Variants in PILRA observed in about 807,000 individuals in gnomAD.
PILRA encodes the protein paired immunoglobin like type 2 receptor alpha, also known as paired immunoglobulin-like type 2 receptor alpha.
PILRA carries 37 observed loss-of-function variants against 33.1 expected under a neutral mutation model. The ratio of observed to expected loss-of-function variants is 1.12; its 90% CI spans 0.86 to 1.47. The LOEUF is 1.47. Ranked by LOEUF, PILRA falls within the 40% of genes most tolerant of loss-of-function variation. The pLI, the probability that PILRA is intolerant of heterozygous loss-of-function variation, is 0.00. For missense variants in PILRA, 312 were observed against 376.2 expected (o/e 0.83, Z 1.41); for synonymous variants, 146 against 149.9 (o/e 0.97, Z 0.19).
intron 2 of PILRA, among the ~76,000 whole-genome samples, chr7:100,384,559 C>A (rs1056669077): frequency 6.6e-6 from 1 of 151,578 alleles, no homozygotes; most frequent in African/African-American, 2.4e-5. Context: ...CCACACCTGG[C>A]TAATTTTTTT....
intron 2 of PILRA, among the ~76,000 whole-genome samples, chr7:100,386,395 T>C (rs1791252313): frequency 6.6e-6 from 1 of 152,004 alleles, no homozygotes; most frequent in South Asian, 2.1e-4. Context: ...TCCCAACTAT[T>C]TGGGAGGCTG....
intron 2 of PILRA, among the ~76,000 whole-genome samples, chr7:100,376,759 GC>G (rs1358072834): frequency 8.7e-6 from 1 of 114,528 alleles, no homozygotes; most frequent in Non-Finnish European, 1.8e-5. Flanking sequence ...ACCTTGCTCT[GC>G]CTTTTTTTTT....
Position 100,399,769 on chromosome 7 carries a change from C to G in PILRA, c.790-16C>G. On this transcript the variant is annotated splice_polypyrimidine_tract_variant and intron_variant, in intron 6 of 6. Coordinates refer to ENST00000198536, the MANE Select transcript of PILRA (RefSeq NM_013439.3). Reference sequence around the variant, plus strand: ...GTCTCCACTGTCTAACCCTTTCTCTCTGGGTTCTCGCCCAGGATGACGGCA... The same window carrying G: ...GTCTCCACTGTCTAACCCTTTCTCTGTGGGTTCTCGCCCAGGATGACGGCA... 1 of 1,610,110 alleles carries G rather than the reference C, an allele frequency of 6.2e-7. No individual in the cohort carries two copies. Among genetic ancestry groups the G allele is most frequent in the East Asian group, 2.2e-5 (1 of 44,874 alleles).
chr7:100,382,563 A>AGCTCTCTGTAAAACAGACCAATCG (rs1293454326), intron 2 of PILRA, among the ~76,000 whole-genome samples: 3 of 151,848 alleles, frequency 2.0e-5, no homozygotes, highest in East Asian at 3.9e-4. Context: ...CGGACCAATC[A>AGCTCTCTGTAAAACAGACCAATCG]GCTCTCTGTA....
Position 100,399,233 on chromosome 7 carries a change from C to T in PILRA, c.708-58C>T, listed in dbSNP as rs1056868654. On this transcript the variant is annotated intron_variant, in intron 4 of 6. Coordinates refer to ENST00000198536, the MANE Select transcript of PILRA (RefSeq NM_013439.3). ...TGGGATTACAGGTGCCACCACCCAGCCCATGTCTTAAAATGCCCAACCTCT... is the reference window on the plus strand; with the variant it reads ...TGGGATTACAGGTGCCACCACCCAGTCCATGTCTTAAAATGCCCAACCTCT... 4.6e-6 allele frequency: 6 copies of T among 1,292,456 alleles called. No homozygotes were observed. The East Asian group carries it at 1.4e-4, about 30-fold the overall frequency. 80.1% of individuals were successfully genotyped at this position (1,292,456 alleles called of 1,614,324 possible).
intron 2 of PILRA, among the ~76,000 whole-genome samples, chr7:100,388,959 T>G (rs1227504668): frequency 1.3e-5 from 2 of 152,106 alleles, no homozygotes; most frequent in Non-Finnish European, 2.9e-5. Context: ...ACCACAGACT[T>G]ACTTTGATAG....
upstream of PILRA, among the ~76,000 whole-genome samples, chr7:100,372,443 T>C (rs1363147617): frequency 1.3e-5 from 2 of 152,088 alleles, no homozygotes; most frequent in African/African-American, 4.8e-5. Flanking sequence ...AAATCCTGTC[T>C]TCCCCCACGG....
chr7:100,396,329 T>C (rs189707291), intron 3 of PILRA, among the ~76,000 whole-genome samples: 1 of 152,288 alleles, frequency 6.6e-6, no homozygotes, highest in African/African-American at 2.4e-5. Context: ...ATGTGGTTTA[T>C]ACATATAATG....
intron 2 of PILRA, chr7:100,374,658 C>G: frequency 1.7e-6 from 1 of 598,486 alleles, no homozygotes; most frequent in Non-Finnish European, 3.0e-6. Context: ...ACTGTCCCCT[C>G]CAGATCCAGC....
At position 100,389,888 on chromosome 7, in the gene PILRA, C is replaced by T. The variant is rs1791345136; in HGVS notation, c.455C>T (p.Ala152Val). The change falls in exon 3 of 7, where the codon GCT becomes GTT. Residue 152 changes from alanine (A) to valine (V), a missense_variant and splice_region_variant. Ala to Val is a moderately conservative substitution (Grantham distance 64). Coordinates refer to ENST00000198536, the MANE Select transcript of PILRA (RefSeq NM_013439.3). ...CTGCTCATTCCTCATCTCTCCCCAGCTGTCACGACCACCACCCAGAGGCCC... is the reference window on the plus strand; with the variant it reads ...CTGCTCATTCCTCATCTCTCCCCAGTTGTCACGACCACCACCCAGAGGCCC... ...IEGTKLSITQ[A>V]VTTTTQRPSS... The T allele has an allele frequency of 6.2e-7, 1 of 1,613,514 alleles. No individual in the cohort carries two copies. The highest frequency in any genetic ancestry group is 2.2e-5 in the East Asian group (1 of 44,840).
intron 4 of PILRA, among the ~76,000 whole-genome samples, chr7:100,398,938 A>ATT (rs535251082): frequency 1.8e-4 from 26 of 145,730 alleles, no homozygotes; most frequent in African/African-American, 2.0e-4. Flanking sequence ...TCTTTCTTCA[A>ATT]TTTTTTTTTT....
At chr7:100,398,485 T>C (rs1003910895) in intron 4 of PILRA, among the ~76,000 whole-genome samples, 2 of 152,090 alleles carry the variant, frequency 1.3e-5, no homozygotes, top group Non-Finnish European at 2.9e-5. Context: ...TGGCCCCTCC[T>C]TTCCATAGCC....
chr7:100,398,953 A>G (rs1240742310), intron 4 of PILRA, among the ~76,000 whole-genome samples: 2 of 141,844 alleles, frequency 1.4e-5, no homozygotes, highest in African/African-American at 2.6e-5. Context: ...TTTTTTTTTT[A>G]ATTTTTGAGA....
intron 2 of PILRA, chr7:100,376,489 T>G (rs955866881): frequency 9.3e-5 from 14 of 150,810 alleles, no homozygotes; most frequent in Non-Finnish European, 1.9e-4. Context: ...AGTGTTTTTT[T>G]TTTTTTTTTT....
In PILRA at chr7:100,399,828, C is replaced by T. The variant is rs371417591; in HGVS notation, c.833C>T (p.Thr278Ile). ...VYASLALSSS[T>I]SPRAPPSHRP... Reference sequence around the variant, plus strand: ...GCTTCCCTTGCCCTCTCCAGCTCCACCTCACCCAGAGCACCTCCCAGCCAC... The same window carrying T: ...GCTTCCCTTGCCCTCTCCAGCTCCATCTCACCCAGAGCACCTCCCAGCCAC... Residue 278 changes from threonine (T) to isoleucine (I), a missense_variant, in exon 7 of 7, where the codon ACC becomes ATC. Thr to Ile is a moderately conservative substitution (Grantham distance 89). Coordinates refer to ENST00000198536, the MANE Select transcript of PILRA (RefSeq NM_013439.3). The T allele has an allele frequency of 2.2e-5, 36 of 1,613,472 alleles. No individual in the cohort carries two copies. Among genetic ancestry groups the T allele is most frequent in the Non-Finnish European group, 2.8e-5 (33 of 1,179,714 alleles).
Position 100,373,603 on chromosome 7 carries a change from C to T in PILRA, c.-54C>T. On this transcript the variant is annotated 5_prime_UTR_variant, in exon 1 of 7. Coordinates refer to ENST00000198536, the MANE Select transcript of PILRA (RefSeq NM_013439.3). ...CAGGCGGCCCCTCCACAGGGCCCCT[C>T]TCCTGCCTGGACGGCTCTGCTGGTC... 1.2e-6 allele frequency: 2 copies of T among 1,608,790 alleles called. No homozygotes were observed. The highest frequency in any genetic ancestry group is 1.7e-5 in the Admixed American group (1 of 60,014).
intron 3 of PILRA, among the ~76,000 whole-genome samples, chr7:100,393,286 A>AC (rs1791424596): frequency 1.3e-5 from 2 of 152,064 alleles, no homozygotes; most frequent in African/African-American, 4.8e-5. Context: ...TCTCAAACAA[A>AC]AAAAAAAAAA....
At chr7:100,377,681 G>A (rs1424909056) in intron 2 of PILRA, among the ~76,000 whole-genome samples, 3 of 152,122 alleles carry the variant, frequency 2.0e-5, no homozygotes, top group Non-Finnish European at 2.9e-5. Context: ...AGTCAGAGGA[G>A]GTTTCAGTGA....
chr7:100,390,258 G>T, intron 3 of PILRA, 152 bp downstream of exon 3: 1 of 664,938 alleles, frequency 1.5e-6, no homozygotes, highest in Non-Finnish European at 2.6e-6. Context: ...TGAGGTGTCT[G>T]CATTTGTGAG....
Sources: allele counts gnomAD v4.1 joint callset (sites outside exome capture counted in the v4.1 genomes callset), GRCh38; gene constraint gnomAD v4.1.1; transcripts MANE v1.5; gene names NCBI Gene and HGNC (gene_info 2026-07-23, HGNC 2026-07-21).